The following NFIB variants were observed in gnomAD, a reference collection of about 807,000 sequenced individuals.
NFIB encodes the protein nuclear factor 1 B-type.
Under a neutral mutation model 61.5 loss-of-function variants are expected in NFIB, and 11 were observed. That is an observed-to-expected ratio of 0.18 (90% CI 0.11 to 0.30). The LOEUF (loss-of-function observed/expected upper bound fraction) is 0.30. Among genes scored for constraint, NFIB ranks in the 10% least tolerant of loss-of-function variants. NFIB has a pLI of 1.00. For missense variants in NFIB, 471 were observed against 608.9 expected (o/e 0.77, Z 2.38); for synonymous variants, 260 against 216.5 (o/e 1.20, Z -1.76).
intron 3 of NFIB, among the ~76,000 whole-genome samples, chr9:14,161,717 C>T (rs1389732411): frequency 6.6e-6 from 1 of 152,038 alleles, no homozygotes; most frequent in East Asian, 1.9e-4. Flanking sequence ...ATATAATAAA[C>T]AAATAGCACT....
chr9:14,208,128 C>T (rs910039156), intron 2 of NFIB, among the ~76,000 whole-genome samples: 1 of 152,164 alleles, frequency 6.6e-6, no homozygotes, highest in Non-Finnish European at 1.5e-5. Flanking sequence ...AATCATCTTT[C>T]CACTTTTATT....
intron 2 of NFIB, among the ~76,000 whole-genome samples, chr9:14,222,110 T>G (rs910789636): frequency 1.3e-5 from 2 of 152,220 alleles, no homozygotes; most frequent in Non-Finnish European, 2.9e-5. Context: ...TCAGATCTTT[T>G]GATATTGCAA....
intron 6 of NFIB, among the ~76,000 whole-genome samples, chr9:14,139,218 T>C (rs1406609008): frequency 6.6e-6 from 1 of 152,220 alleles, no homozygotes; most frequent in East Asian, 1.9e-4. Context: ...ACAGCCTCTC[T>C]GATCCTTGGA....
rs191584238 is a variant in NFIB at position 14,172,961 on chromosome 9, G to T, written c.616+6766C>A. On this transcript the variant is annotated intron_variant, in intron 3 of 10. Transcript: ENST00000380953. ...ATTTTTGTATTTTTAGTAGAGACGG[G>T]GTTTCACTATGTTGGCCAGGCTGGT... Among the ~76,000 whole-genome samples the T allele has an allele frequency of 2.0e-3, 297 of 152,108 alleles. 3 individuals carry two copies. Among genetic ancestry groups the T allele is most frequent in the Admixed American group, 0.017 (262 of 15,276 alleles).
chr9:14,291,802 TA>T lies in NFIB; in HGVS notation c.562+15186del, dbSNP rs202179375. On this transcript the variant is annotated intron_variant, in intron 2 of 10. Transcript: ENST00000380953. ...TTTCTTTAAAAATCTGACTTTCAGT[TA>T]AAAAAAAAAAAAGTTTTCTTATAAC... 3.8e-3 allele frequency among the ~76,000 whole-genome samples: 560 copies of T among 146,276 alleles called. 2 individuals are homozygous for T. The highest frequency in any genetic ancestry group is 8.1e-3 in the East Asian group (41 of 5,062).
In NFIB at chr9:14,088,317, G is replaced by C; in HGVS notation, c.1477C>G (p.Leu493Val). Residue 493 changes from leucine to valine, a missense_variant, in exon 11 of 11, where the codon CTG (leucine) becomes GTG (valine). By Grantham distance (32) the Leu-to-Val change is conservative (BLOSUM62 1). This residue lies in a region of NFIB where 372 missense variants were observed against 395.6 expected (regional missense o/e 0.94). Transcript: ENST00000380953. ...CTTGGAAAGGAACCAAGCTAGCCCA[G>C]GTACCAGGACTGTTGAGAGGAGAGA... The part of the protein sequence containing the change: ...SFLHQQQSWY[L>V]G The C allele has an allele frequency of 6.3e-7, 1 of 1,596,304 alleles. No individual in the cohort carries two copies. The highest frequency in any genetic ancestry group is 1.7e-5 in the Admixed American group (1 of 59,400).
intron 6 of NFIB, among the ~76,000 whole-genome samples, chr9:14,131,051 A>C (rs1028792176): frequency 6.6e-6 from 1 of 152,234 alleles, no homozygotes; most frequent in Non-Finnish European, 1.5e-5. Context: ...AATAGTTGCA[A>C]TCATAATAAT....
rs1441546404 is a variant in NFIB, at chr9:14,082,535, T to G, written c.*5774A>C. Reference sequence around the variant, plus strand: ...CCTGGGATGTAGTTACCCCTCACATTCTACAATGTTGTAGAGATTTTTTTT... The same window carrying G: ...CCTGGGATGTAGTTACCCCTCACATGCTACAATGTTGTAGAGATTTTTTTT... On this transcript the variant is annotated 3_prime_UTR_variant, in exon 11 of 11. Coordinates refer to ENST00000380953, the MANE Select transcript of NFIB (RefSeq NM_001190737.2). The G allele has an allele frequency of 4.8e-6, 1 of 206,978 alleles. No individual in the cohort carries two copies. The highest frequency in any genetic ancestry group is 5.9e-5 in the Admixed American group (1 of 16,862). The allele number at this position is 206,978 out of a possible 1,614,324, so 12.8% of individuals were successfully genotyped here.
At chr9:14,458,806 A>G in the NFIB span, among the ~76,000 whole-genome samples, 3 of 152,038 alleles carry the variant, frequency 2.0e-5, no homozygotes, top group African/African-American at 7.2e-5. Flanking sequence ...AATCCAACTT[A>G]CAAGGGATGT....
rs529724986 is a variant in NFIB, at chr9:14,183,405, A to T, written c.563-3625T>A. On this transcript the variant is annotated intron_variant, in intron 2 of 10. Transcript: ENST00000380953. Reference sequence around the variant, plus strand: ...CTGGGTCTGGTGTCTGGGAAAAAAAATTTTTTTTTTTTTTTTGAGACAGAG... The same window carrying T: ...CTGGGTCTGGTGTCTGGGAAAAAAATTTTTTTTTTTTTTTTTGAGACAGAG... Among the ~76,000 whole-genome samples the T allele has an allele frequency of 8.0e-3, 1,156 of 144,864 alleles. 11 individuals are homozygous for T. The highest frequency in any genetic ancestry group is 0.023 in the South Asian group (104 of 4,512).
At chr9:14,254,043 C>A (rs926226370) in intron 2 of NFIB, among the ~76,000 whole-genome samples, 2 of 152,012 alleles carry the variant, frequency 1.3e-5, no homozygotes, top group South Asian at 2.1e-4. Flanking sequence ...AGCTCATGCC[C>A]GTAATCCCAG....
rs1417164164 is a variant in NFIB at position 14,085,744 on chromosome 9, CA to C, written c.*2564del. On this transcript the variant is annotated 3_prime_UTR_variant, in exon 11 of 11. Transcript: ENST00000380953. ...GCCATCCATTTGAAGTAGTAAGTCA[CA>C]GGTAAATCATATCCTATCATTAATG... The C allele has an allele frequency of 4.6e-6, 1 of 218,954 alleles. No homozygotes were observed. The highest frequency in any genetic ancestry group is 6.7e-5 in the East Asian group (1 of 14,848). 13.6% of individuals were successfully genotyped at this position (218,954 alleles called of 1,614,324 possible). A position where few individuals can be genotyped will look rare whatever the true frequency, so the allele number is the denominator to read the frequency against.
intron 3 of NFIB, among the ~76,000 whole-genome samples, chr9:14,173,800 A>C (rs138426753): frequency 2.8e-4 from 42 of 152,222 alleles, no homozygotes; most frequent in East Asian, 1.9e-3. Context: ...GACATGGAAA[A>C]ATCTCCTTCT....
chr9:14,102,541 G>A, intron 10 of NFIB: 2 of 1,532,648 alleles, frequency 1.3e-6, no homozygotes, highest in Non-Finnish European at 1.8e-6. Flanking sequence ...GTCAGATATG[G>A]ATCGAGCAGT....
chr9:14,422,078 AG>A, the NFIB span, among the ~76,000 whole-genome samples: 3 of 152,202 alleles, frequency 2.0e-5, no homozygotes, highest in Non-Finnish European at 2.9e-5. Flanking sequence ...TCATATAAAC[AG>A]GCTAGTGTTA....
At chr9:14,128,221 A>G (rs2039937838) in intron 6 of NFIB, among the ~76,000 whole-genome samples, 1 of 152,174 alleles carries the variant, frequency 6.6e-6, no homozygotes. Flanking sequence ...AGATGATGCA[A>G]TCACTTGCCA....
intron 10 of NFIB, chr9:14,102,530 A>T (rs2035931447): frequency 1.3e-6 from 2 of 1,548,170 alleles, no homozygotes; most frequent in Non-Finnish European, 1.7e-6. Context: ...GAAACCTAGC[A>T]GTCAGATATG....
the NFIB span, among the ~76,000 whole-genome samples, chr9:14,464,465 T>C: frequency 6.6e-6 from 1 of 152,156 alleles, no homozygotes; most frequent in East Asian, 1.9e-4. Flanking sequence ...GAAGGCTTTA[T>C]GGTGGTGGTA....
intron 2 of NFIB, among the ~76,000 whole-genome samples, chr9:14,254,119 T>C (rs890296756): frequency 4.6e-5 from 7 of 151,986 alleles, no homozygotes; most frequent in African/African-American, 9.7e-5. Context: ...CTGGCCAACA[T>C]AGCAAAACCC....
Sources: allele counts gnomAD v4.1 joint callset (sites outside exome capture counted in the v4.1 genomes callset), GRCh38; gene constraint gnomAD v4.1.1; regional missense constraint gnomAD v4.1.1; transcripts MANE v1.5; gene names NCBI Gene and HGNC (gene_info 2026-07-23, HGNC 2026-07-21).